The following KIRREL3 variants were observed in gnomAD, a reference collection of about 807,000 sequenced individuals.
The protein encoded by KIRREL3 is kin of IRRE-like protein 3.
In KIRREL3, 36 loss-of-function variants were observed where a neutral mutation model predicts 89.7. The ratio of observed to expected loss-of-function variants is 0.40; its 90% CI spans 0.31 to 0.53. The LOEUF (loss-of-function observed/expected upper bound fraction) is 0.53. KIRREL3 is among the 20% of genes least tolerant of loss of function. KIRREL3 has a pLI of 0.49. For missense variants in KIRREL3, 864 were observed against 1,056.6 expected, an observed-to-expected ratio of 0.82 and a Z score of 2.53; for synonymous variants, 445 against 441.4, an observed-to-expected ratio of 1.01 and a Z score of -0.10.
intron 1 of KIRREL3, among the ~76,000 whole-genome samples, chr11:126,790,421 A>G (rs1950602843): frequency 6.6e-6 from 1 of 152,196 alleles, no homozygotes; most frequent in African/African-American, 2.4e-5. Flanking sequence ...TGGTCATCGA[A>G]GTTAACCTTC....
At chr11:126,439,683 G>A (rs1484726290) in intron 11 of KIRREL3, among the ~76,000 whole-genome samples, 2 of 151,588 alleles carry the variant, frequency 1.3e-5, no homozygotes, top group African/African-American at 4.8e-5. Flanking sequence ...GAGGTGTGGT[G>A]GCAGATGCCT....
intron 4 of KIRREL3, among the ~76,000 whole-genome samples, chr11:126,518,933 G>T (rs966568621): frequency 5.3e-5 from 8 of 152,254 alleles, no homozygotes; most frequent in African/African-American, 1.9e-4. Flanking sequence ...GCACTGTCTT[G>T]CCTGGGGTTT....
At chr11:126,973,195 C>CT (rs1949480384) in intron 1 of KIRREL3, among the ~76,000 whole-genome samples, 1 of 150,868 alleles carries the variant, frequency 6.6e-6, no homozygotes, top group Non-Finnish European at 1.5e-5. Context: ...GCTGAATGGC[C>CT]CTGGCATACA....
chr11:126,873,534 T>G (rs1313290122), intron 1 of KIRREL3, among the ~76,000 whole-genome samples: 1 of 152,244 alleles, frequency 6.6e-6, no homozygotes, highest in African/African-American at 2.4e-5. Flanking sequence ...TGTGCATTTT[T>G]CTTTTTGCTC....
At chr11:126,951,353 T>G (rs1948768530) in intron 1 of KIRREL3, among the ~76,000 whole-genome samples, 1 of 152,234 alleles carries the variant, frequency 6.6e-6, no homozygotes, top group Admixed American at 6.5e-5. Context: ...TTTCTCTAAC[T>G]AGAACATATG....
rs147140471 is a variant in KIRREL3 at position 126,694,061 on chromosome 11, C to T, written c.56-131149G>A. 3.3e-5 allele frequency among the ~76,000 whole-genome samples: 5 copies of T among 152,336 alleles called. No individual in the cohort carries two copies. Among genetic ancestry groups the T allele is most frequent in the Non-Finnish European group, 7.3e-5 (5 of 68,038 alleles). ...AGGGAAGCGGCACAGCTCACAGTCA[C>T]ACTAGGACAACTTGGAAGTTGAATT... On this transcript the variant is annotated intron_variant, in intron 1 of 16. Transcript: ENST00000525144. The surrounding 1 kb of genome is among the most constrained non-coding windows in gnomAD (Gnocchi z 4.4).
rs2134470019 is a variant in KIRREL3, at chr11:126,535,214, C to T, written c.134-8527G>A. ...TCCTCCTGACTGCTCTTCCCAAAAG[C>T]CCCCTCTAGATTTCCCTCCTGCGCT... On this transcript the variant is annotated intron_variant, in intron 2 of 16. Coordinates refer to ENST00000525144, the MANE Select transcript of KIRREL3 (RefSeq NM_032531.4). The surrounding 1 kb of genome is among the most constrained non-coding windows in gnomAD (Gnocchi z 4.5). 6.6e-6 allele frequency among the ~76,000 whole-genome samples: 1 copy of T among 152,280 alleles called. No individual in the cohort carries two copies. Among genetic ancestry groups the T allele is most frequent in the Middle Eastern group, 3.4e-3 (1 of 294 alleles).
rs1288467432 is a variant in KIRREL3 at position 126,428,127 on chromosome 11, G to C, written c.1806+1052C>G. On this transcript the variant is annotated intron_variant, in intron 15 of 16. Transcript: ENST00000525144. This position sits in a 1 kb window ranked among gnomAD's most constrained non-coding sequence, Gnocchi z 6.4. ...CTAATATTTCTTGAGCACTTATTGTGTTCCATGGGCTTCAAGCCCTTCTGA... is the reference window on the plus strand; with the variant it reads ...CTAATATTTCTTGAGCACTTATTGTCTTCCATGGGCTTCAAGCCCTTCTGA... Among the ~76,000 whole-genome samples the C allele has an allele frequency of 2.0e-5, 3 of 152,202 alleles. No individual in the cohort carries two copies. The highest frequency in any genetic ancestry group is 4.4e-5 in the Non-Finnish European group (3 of 68,040).
At chr11:126,848,792 T>C (rs1447466587) in intron 1 of KIRREL3, among the ~76,000 whole-genome samples, 1 of 152,210 alleles carries the variant, frequency 6.6e-6, no homozygotes, top group East Asian at 1.9e-4. Flanking sequence ...GAGTTATAAA[T>C]GGCCCTTGAC....
chr11:126,848,299 G>A lies in KIRREL3; in HGVS notation c.55+152156C>T, dbSNP rs569995507. 9.2e-5 allele frequency among the ~76,000 whole-genome samples: 14 copies of A among 152,292 alleles called. No homozygotes were observed. In the South Asian group the frequency reaches 2.5e-3, roughly 27 times the overall value. ...TGCTGCACTTTATACAAATAATCAG[G>A]CCAAGTAAAATCAAGTAAATCAGTC... On this transcript the variant is annotated intron_variant, in intron 1 of 16. Transcript: ENST00000525144.
Position 126,491,024 on chromosome 11 carries a change from G to C in KIRREL3, c.434-17558C>G, listed in dbSNP as rs1025878811. On this transcript the variant is annotated intron_variant, in intron 4 of 16. Coordinates refer to ENST00000525144, the MANE Select transcript of KIRREL3 (RefSeq NM_032531.4). The surrounding 1 kb of genome is among the most constrained non-coding windows in gnomAD (Gnocchi z 5.5). ...TCTTTGGAGAATGGGGCAGGGCTCT[G>C]TCTGGATTTTGGGTCCATCCCGTAG... 6.6e-6 allele frequency among the ~76,000 whole-genome samples: 1 copy of C among 152,184 alleles called. No homozygotes were observed. The highest frequency in any genetic ancestry group is 1.5e-5 in the Non-Finnish European group (1 of 68,030).
Position 126,990,227 on chromosome 11 carries a change from C to G in KIRREL3, c.55+10228G>C, listed in dbSNP as rs1949990804. ...ACCCGTGTGGTGGGCTGAGCTTCCTCGCTCCCTCTCTTTGAAGCTCTCTCA... is the reference window on the plus strand; with the variant it reads ...ACCCGTGTGGTGGGCTGAGCTTCCTGGCTCCCTCTCTTTGAAGCTCTCTCA... On this transcript the variant is annotated intron_variant, in intron 1 of 16. Transcript: ENST00000525144. The surrounding 1 kb of genome is among the most constrained non-coding windows in gnomAD (Gnocchi z 6.3). 1.3e-5 allele frequency among the ~76,000 whole-genome samples: 2 copies of G among 152,114 alleles called. No homozygotes were observed. Among genetic ancestry groups the G allele is most frequent in the Non-Finnish European group, 2.9e-5 (2 of 68,016 alleles).
chr11:126,866,434 C>G (rs191165115), intron 1 of KIRREL3, among the ~76,000 whole-genome samples: 1 of 152,142 alleles, frequency 6.6e-6, no homozygotes, highest in East Asian at 1.9e-4. Flanking sequence ...CTACTAAGGA[C>G]GTAACACCTT....
intron 1 of KIRREL3, among the ~76,000 whole-genome samples, chr11:126,630,936 C>T (rs1158087835): frequency 6.6e-6 from 1 of 152,172 alleles, no homozygotes; most frequent in African/African-American, 2.4e-5. Flanking sequence ...AGTCAAGGCT[C>T]CTGACCAACT....
rs1863667 is a variant in KIRREL3 at position 126,577,029 on chromosome 11, G to C, written c.56-14117C>G. On this transcript the variant is annotated intron_variant, in intron 1 of 16. Coordinates refer to ENST00000525144, the MANE Select transcript of KIRREL3 (RefSeq NM_032531.4). ...ATAACTGAAGACCCGTGCCTTCGCT[G>C]CTGCCACTCAACCTCTGGGTGGGGG... Among the ~76,000 whole-genome samples the C allele has an allele frequency of 5.1e-4, 78 of 152,306 alleles. 2 individuals are homozygous for C. The South Asian group carries it at 0.016, about 31-fold the overall frequency.
In KIRREL3 at chr11:126,890,159, G is replaced by A. The variant is rs908462228; in HGVS notation, c.55+110296C>T. 6.6e-6 allele frequency among the ~76,000 whole-genome samples: 1 copy of A among 152,170 alleles called. No homozygotes were observed. Among genetic ancestry groups the A allele is most frequent in the Non-Finnish European group, 1.5e-5 (1 of 68,024 alleles). On this transcript the variant is annotated intron_variant, in intron 1 of 16. Transcript: ENST00000525144. The surrounding 1 kb of genome is among the most constrained non-coding windows in gnomAD (Gnocchi z 5.1). ...AGTTAAAATGAAGATAAAATTATTG[G>A]GGAGGTGGGGATAGAGCTGAGGGGT...
chr11:126,883,311 T>A lies in KIRREL3; in HGVS notation c.55+117144A>T, dbSNP rs534181656. On this transcript the variant is annotated intron_variant, in intron 1 of 16. Coordinates refer to ENST00000525144, the MANE Select transcript of KIRREL3 (RefSeq NM_032531.4). The surrounding 1 kb of genome is among the most constrained non-coding windows in gnomAD (Gnocchi z 4.1). The stretch of plus-strand genomic sequence containing the variant: ...CACCAGAAGTGGTAGGAGAGAGATC[T>A]TCAAGCAGCACAGCAGTTAAAGAAC... Among the ~76,000 whole-genome samples, 1 of 152,296 alleles carries A rather than the reference T, an allele frequency of 6.6e-6. No homozygotes were observed. Among genetic ancestry groups the A allele is most frequent in the Non-Finnish European group, 1.5e-5 (1 of 68,022 alleles).
In KIRREL3 at chr11:126,490,839, G is replaced by T. The variant is rs928947058; in HGVS notation, c.434-17373C>A. Among the ~76,000 whole-genome samples the T allele has an allele frequency of 4.6e-5, 7 of 152,148 alleles. No homozygotes were observed. Among genetic ancestry groups the T allele is most frequent in the African/African-American group, 1.7e-4 (7 of 41,430 alleles). ...CGAGCAGAGCCGGCAGTAGCATTTG[G>T]AGTCAAATAGGAAGACGCCACTGCT... is the stretch of plus-strand genomic sequence containing the variant. On this transcript the variant is annotated intron_variant, in intron 4 of 16. Coordinates refer to ENST00000525144, the MANE Select transcript of KIRREL3 (RefSeq NM_032531.4). The surrounding 1 kb of genome is among the most constrained non-coding windows in gnomAD (Gnocchi z 4.2).
chr11:126,479,476 C>A (rs1227526631), intron 4 of KIRREL3, among the ~76,000 whole-genome samples: 1 of 152,240 alleles, frequency 6.6e-6, no homozygotes, highest in African/African-American at 2.4e-5. Flanking sequence ...GCCTTGGCAC[C>A]TCCTGGGAGC....
Sources: allele counts gnomAD v4.1 joint callset (sites outside exome capture counted in the v4.1 genomes callset), GRCh38; gene constraint gnomAD v4.1.1; non-coding constraint Gnocchi (gnomAD v3.1); transcripts MANE v1.5; gene names NCBI Gene and HGNC (gene_info 2026-07-23, HGNC 2026-07-21).